BCAS1: variants seen among roughly 807,000 people sequenced by gnomAD.
BCAS1 encodes the protein breast carcinoma-amplified sequence 1.
Under a neutral mutation model 65.4 loss-of-function variants are expected in BCAS1, and 46 were observed. The observed-to-expected ratio is 0.70, with a 90% CI of 0.55 to 0.90. BCAS1 has a LOEUF of 0.90. BCAS1 is among the 40% of genes least tolerant of loss of function. The pLI is 0.00. For synonymous variants in BCAS1, 298 were observed against 293.5 expected, an observed-to-expected ratio of 1.02 and a Z score of -0.16; for missense variants, 793 against 771.2, an observed-to-expected ratio of 1.03 and a Z score of -0.33.
At chr20:53,962,822 A>G (rs768232822) in intron 10 of BCAS1, among the ~76,000 whole-genome samples, 12 of 152,102 alleles carry the variant, frequency 7.9e-5, no homozygotes, top group South Asian at 2.1e-4. Context: ...TCCCTAAAAT[A>G]TAGTTATTTT....
At chr20:54,024,114 T>C (rs1025513264) in intron 4 of BCAS1, among the ~76,000 whole-genome samples, 6 of 152,172 alleles carry the variant, frequency 3.9e-5, no homozygotes, top group Non-Finnish European at 7.3e-5. Context: ...ATTTTACAGA[T>C]GAGGAAACTG....
At chr20:53,946,296 C>G (rs6022866) in intron 12 of BCAS1, among the ~76,000 whole-genome samples, 7,117 of 151,800 alleles carry the variant, frequency 0.047, 466 homozygotes, top group African/African-American at 0.15. Flanking sequence ...TGGCAAGCAC[C>G]GATCTGTTTT....
chr20:53,993,547 A>C (rs754910794), intron 6 of BCAS1, among the ~76,000 whole-genome samples: 2 of 152,162 alleles, frequency 1.3e-5, no homozygotes, highest in Non-Finnish European at 2.9e-5. Flanking sequence ...GGGTACGTTC[A>C]GTTTTGACCA....
chr20:54,047,941 A>C (rs998963778), intron 3 of BCAS1, among the ~76,000 whole-genome samples: 5 of 152,312 alleles, frequency 3.3e-5, no homozygotes, highest in African/African-American at 1.2e-4. Context: ...CTTGGTGTAC[A>C]CCCTATGCAA....
chr20:54,009,933 C>T (rs1298334343), intron 4 of BCAS1, among the ~76,000 whole-genome samples: 1 of 152,142 alleles, frequency 6.6e-6, no homozygotes, highest in Non-Finnish European at 1.5e-5. Context: ...ATTTGAAAGT[C>T]AATTGATGTT....
At chr20:53,953,277 C>T (rs565642081) in intron 12 of BCAS1, among the ~76,000 whole-genome samples, 155 bp downstream of exon 12, 6 of 152,250 alleles carry the variant, frequency 3.9e-5, no homozygotes, top group Admixed American at 6.5e-5. Context: ...AAGGATTGAA[C>T]CTGCTGGAAG....
chr20:54,060,421 T>G (rs974189341), intron 1 of BCAS1, among the ~76,000 whole-genome samples: 2 of 152,084 alleles, frequency 1.3e-5, no homozygotes, highest in Non-Finnish European at 2.9e-5. Context: ...TAAGCAATTC[T>G]CCTGCCTCAG....
At position 54,070,268 on chromosome 20, in the gene BCAS1, C is replaced by T. The variant is rs969325750; in HGVS notation, c.-6+165G>A. Among the ~76,000 whole-genome samples, 50 of 152,232 alleles carry T rather than the reference C, an allele frequency of 3.3e-4. 1 individual carries two copies. The highest frequency in any genetic ancestry group is 1.2e-3 in the African/African-American group (48 of 41,460). ...ATGAGTGCTATCTTTGGGTCCATTT[C>T]ACAGATAGTGGAACTGAGGCTTACA... On this transcript the variant is annotated intron_variant, in intron 1 of 12. Coordinates refer to ENST00000688948, the MANE Select transcript of BCAS1 (RefSeq NM_001366298.2).
At chr20:53,994,989 C>T (rs1404359663) in intron 6 of BCAS1, 23 bp downstream of exon 6, 1 of 1,607,770 alleles carries the variant, frequency 6.2e-7, no homozygotes, top group Non-Finnish European at 8.5e-7. Context: ...CAAATATATA[C>T]ATACACACTT....
chr20:54,048,415 G>T (rs974801432), intron 3 of BCAS1, among the ~76,000 whole-genome samples: 3 of 152,072 alleles, frequency 2.0e-5, no homozygotes, highest in Non-Finnish European at 4.4e-5. Flanking sequence ...AGCTGGTATG[G>T]GCCATGTGAT....
intron 8 of BCAS1, 89 bp from the exon 9 acceptor site, chr20:53,975,519 G>T: frequency 9.8e-7 from 1 of 1,020,870 alleles, no homozygotes; most frequent in Non-Finnish European, 1.5e-6. Context: ...TGGGCTCACA[G>T]TCTTGGGGTG....
At chr20:53,966,785 C>T in intron 10 of BCAS1, 121 bp downstream of exon 10, 2 of 913,014 alleles carry the variant, frequency 2.2e-6, no homozygotes, top group South Asian at 2.0e-5. Flanking sequence ...ATCCATATTC[C>T]ATTCACATTC....
At chr20:54,026,092 T>C (rs1292325295) in intron 4 of BCAS1, among the ~76,000 whole-genome samples, 1 of 152,212 alleles carries the variant, frequency 6.6e-6, no homozygotes, top group Non-Finnish European at 1.5e-5. Context: ...AAATTTGTCA[T>C]GTAACAAAAT....
chr20:53,995,140 T>G (rs2090872545), intron 5 of BCAS1, 84 bp from the exon 6 acceptor site: 4 of 1,245,064 alleles, frequency 3.2e-6, no homozygotes, highest in African/African-American at 3.0e-5. Context: ...CTCTTTAGGG[T>G]GGTCCAGTTC....
rs956107101 is a variant in BCAS1 at position 54,066,284 on chromosome 20, G to A, written c.-6+4149C>T. On this transcript the variant is annotated intron_variant, in intron 1 of 12. Transcript: ENST00000688948. ...AGACGGGGTTTCCCCGTGTTAGCCA[G>A]GATGGTCTCGATCTCCTGACCTCGT... Among the ~76,000 whole-genome samples the A allele has an allele frequency of 2.1e-4, 32 of 152,176 alleles. 1 individual carries two copies. The highest frequency in any genetic ancestry group is 7.0e-4 in the African/African-American group (29 of 41,446).
At chr20:53,998,775 T>C (rs1010706194) in intron 4 of BCAS1, among the ~76,000 whole-genome samples, 2 of 151,714 alleles carry the variant, frequency 1.3e-5, no homozygotes, top group Non-Finnish European at 2.9e-5. Flanking sequence ...TTAATCTTAA[T>C]ATATTATTAT....
chr20:53,977,009 A>T (rs1281713678), intron 8 of BCAS1, among the ~76,000 whole-genome samples: 1 of 152,226 alleles, frequency 6.6e-6, no homozygotes, highest in Non-Finnish European at 1.5e-5. Flanking sequence ...TAATGGACTC[A>T]CAGTTCCACA....
rs144205971 is a variant in BCAS1, at chr20:54,056,022, T to C, written c.142+2063A>G. On this transcript the variant is annotated intron_variant, in intron 3 of 12. Coordinates refer to ENST00000688948, the MANE Select transcript of BCAS1 (RefSeq NM_001366298.2). ...ATAGAAGCAGAGAGTAAAATGGTGA[T>C]TATCAGGGGCTAAGGTCCAGGGAAA... is the stretch of plus-strand genomic sequence containing the variant. Among the ~76,000 whole-genome samples, 770 of 152,276 alleles carry C rather than the reference T, an allele frequency of 5.1e-3. 5 individuals are homozygous for C. Among genetic ancestry groups the C allele is most frequent in the Non-Finnish European group, 8.7e-3 (591 of 68,008 alleles).
intron 9 of BCAS1, among the ~76,000 whole-genome samples, chr20:53,972,461 C>A (rs1337339307): frequency 6.6e-6 from 1 of 152,188 alleles, no homozygotes; most frequent in Non-Finnish European, 1.5e-5. Context: ...CAAACTTTTC[C>A]TGCAAAGTCC....
Sources: gnomAD v4.1 joint callset for allele counts (sites outside exome capture counted in the v4.1 genomes callset) on GRCh38, gnomAD v4.1.1 for gene constraint, MANE v1.5 for transcripts, NCBI Gene and HGNC (gene_info 2026-07-23, HGNC 2026-07-21) for gene names.